The following CD226 variants were observed in gnomAD, a reference collection of about 807,000 sequenced individuals.
CD226 encodes CD226 antigen.
Under a neutral mutation model 34.9 loss-of-function variants are expected in CD226, and 24 were observed. The observed-to-expected ratio is 0.69, with a 90% CI of 0.50 to 0.97. The LOEUF (loss-of-function observed/expected upper bound fraction) is 0.97. Ranked by LOEUF, CD226 falls within the 50% of genes least tolerant of loss-of-function variation. The probability of loss-of-function intolerance (pLI) is 0.00; values close to 1 mark genes in which losing one functional copy is unlikely to be tolerated. For synonymous variants in CD226, 148 were observed against 147.4 expected, an observed-to-expected ratio of 1.00 and a Z score of -0.03; for missense variants, 397 against 412.7, an observed-to-expected ratio of 0.96 and a Z score of 0.33.
At chr18:69,939,499 G>A (rs2055697219) in intron 2 of CD226, among the ~76,000 whole-genome samples, 1 of 152,124 alleles carries the variant, frequency 6.6e-6, no homozygotes, top group South Asian at 2.1e-4. Context: ...GTGCTTTTCG[G>A]TTCTACTGTT....
At position 69,862,528 on chromosome 18, in the gene CD226, T is replaced by C. The variant is rs1982880443; in HGVS notation, c.*1786A>G. On this transcript the variant is annotated 3_prime_UTR_variant, in exon 6 of 6. Transcript: ENST00000582621. ...TAAAAAGATCTTTAAGCAAACATAA[T>C]AAAAATGAGAGTTTACCCTTCTTGC... is the stretch of plus-strand genomic sequence containing the variant. The C allele has an allele frequency of 6.6e-6, 1 of 152,102 alleles. No individual in the cohort carries two copies. Among genetic ancestry groups the C allele is most frequent in the Non-Finnish European group, 1.5e-5 (1 of 67,966 alleles). The allele number at this position is 152,102 out of a possible 1,614,324, so 9.4% of individuals were successfully genotyped here.
intron 4 of CD226, among the ~76,000 whole-genome samples, chr18:69,869,795 TTTTC>T (rs1983388687): frequency 6.8e-6 from 1 of 148,138 alleles, no homozygotes; most frequent in African/African-American, 2.5e-5. Flanking sequence ...ATTTTCTTTT[TTTTC>T]TTTTTTTTTT....
At position 69,859,658 on chromosome 18, in the gene CD226, T is replaced by G. The variant is rs1490648735; in HGVS notation, c.*4656A>C. On this transcript the variant is annotated 3_prime_UTR_variant, in exon 6 of 6. Transcript: ENST00000582621. ...ATGAGTTAGAAGTAGTAAAATTTGT[T>G]GTCTCAAGGTAACAAAAATGAGGAA... 3.9e-5 allele frequency: 6 copies of G among 152,096 alleles called. No homozygotes were observed. The highest frequency in any genetic ancestry group is 7.4e-5 in the Non-Finnish European group (5 of 68,014). 9.4% of individuals were successfully genotyped at this position (152,096 alleles called of 1,614,324 possible).
upstream of CD226, among the ~76,000 whole-genome samples, chr18:69,960,665 G>A (rs909775836): frequency 6.6e-6 from 1 of 152,136 alleles, no homozygotes; most frequent in Admixed American, 6.5e-5. Flanking sequence ...GGCCAGGCTC[G>A]TCTTGAATTC....
intron 3 of CD226, among the ~76,000 whole-genome samples, chr18:69,876,138 T>C (rs1053178447): frequency 3.3e-5 from 5 of 152,244 alleles, no homozygotes; most frequent in African/African-American, 1.2e-4. Context: ...TGGGCTTTTT[T>C]ATATTTTCCA....
chr18:69,960,772 T>A (rs1046110235), upstream of CD226, among the ~76,000 whole-genome samples: 5 of 152,178 alleles, frequency 3.3e-5, no homozygotes, highest in Admixed American at 3.3e-4. Flanking sequence ...ATTTTAAATA[T>A]CCTTTCCTGG....
At chr18:69,958,559 T>G (rs978684877), upstream of CD226, among the ~76,000 whole-genome samples, 1 of 152,166 alleles carries the variant, frequency 6.6e-6, no homozygotes, top group Admixed American at 6.5e-5. Flanking sequence ...GGCCCTGAAG[T>G]GAACCTCACA....
chr18:69,887,592 G>C (rs879533129), intron 3 of CD226, among the ~76,000 whole-genome samples: 1 of 151,654 alleles, frequency 6.6e-6, no homozygotes, highest in Non-Finnish European at 1.5e-5. Flanking sequence ...TTTTTTTATT[G>C]TTTCACTCAC....
At position 69,863,446 on chromosome 18, in the gene CD226, T is replaced by G. The variant is rs946465076; in HGVS notation, c.*868A>C. ...CAAGAATTCTATACAGAATGAGAGA[T>G]AAATAAATATGAGAATAGTAAAGGA... On this transcript the variant is annotated 3_prime_UTR_variant, in exon 6 of 6. Transcript: ENST00000582621. 2 of 152,214 alleles carry G rather than the reference T, an allele frequency of 1.3e-5. No homozygotes were observed. The highest frequency in any genetic ancestry group is 2.9e-5 in the Non-Finnish European group (2 of 68,028). The allele number at this position is 152,214 out of a possible 1,614,324, so 9.4% of individuals were successfully genotyped here. A position where few individuals can be genotyped will look rare whatever the true frequency, so the allele number is the denominator to read the frequency against.
rs1056411688 is a variant in CD226 at position 69,858,369 on chromosome 18, A to C, written c.*5945T>G. ...TCAACGAGCCTGGAGGGAATGTCGC[A>C]GTGTGTTCTGTTTGGAAAGTAAGTT... is the stretch of plus-strand genomic sequence containing the variant. On this transcript the variant is annotated 3_prime_UTR_variant, in exon 6 of 6. Coordinates refer to ENST00000582621, the MANE Select transcript of CD226 (RefSeq NM_001303618.2). 1.2e-4 allele frequency: 19 copies of C among 152,316 alleles called. 1 individual carries two copies. Among genetic ancestry groups the C allele is most frequent in the African/African-American group, 4.6e-4 (19 of 41,576 alleles). 9.4% of individuals were successfully genotyped at this position (152,316 alleles called of 1,614,324 possible). A position where few individuals can be genotyped will look rare whatever the true frequency, so the allele number is the denominator to read the frequency against.
Position 69,928,030 on chromosome 18 carries a change from T to A in CD226, c.382+18704A>T, listed in dbSNP as rs1599016929. On this transcript the variant is annotated intron_variant, in intron 2 of 5. Coordinates refer to ENST00000582621, the MANE Select transcript of CD226 (RefSeq NM_001303618.2). ...TGGGTGAAATACTGAAGAATCTCATTAAGCTATGAAATATGCAGAAAAGCG... is the reference window on the plus strand; with the variant it reads ...TGGGTGAAATACTGAAGAATCTCATAAAGCTATGAAATATGCAGAAAAGCG... 1.3e-5 allele frequency among the ~76,000 whole-genome samples: 2 copies of A among 152,190 alleles called. 1 individual carries two copies. Among genetic ancestry groups the A allele is most frequent in the South Asian group, 4.1e-4 (2 of 4,834 alleles).
chr18:69,875,738 G>A (rs972668426), intron 3 of CD226, among the ~76,000 whole-genome samples: 2 of 152,178 alleles, frequency 1.3e-5, no homozygotes, highest in African/African-American at 4.8e-5. Flanking sequence ...TTGCTCTTTT[G>A]CTGTGAAATC....
intron 3 of CD226, among the ~76,000 whole-genome samples, chr18:69,887,031 T>A (rs1984596894): frequency 6.6e-6 from 1 of 152,224 alleles, no homozygotes; most frequent in Non-Finnish European, 1.5e-5. Flanking sequence ...ATCTCATCTC[T>A]CTTTTTTAAA....
chr18:69,871,015 A>C (rs558620477), intron 4 of CD226, among the ~76,000 whole-genome samples: 2 of 152,322 alleles, frequency 1.3e-5, no homozygotes, highest in South Asian at 4.1e-4. Context: ...ACATTTAACC[A>C]AGTGGGACAA....
At chr18:69,868,869 G>A (rs545336088) in intron 4 of CD226, among the ~76,000 whole-genome samples, 3 of 152,178 alleles carry the variant, frequency 2.0e-5, no homozygotes, top group Non-Finnish European at 4.4e-5. Context: ...CATACAATGT[G>A]ATGAAACAAA....
At chr18:69,950,109 CATGCTCACAT>C (rs2055837562), upstream of CD226, among the ~76,000 whole-genome samples, 1 of 152,070 alleles carries the variant, frequency 6.6e-6, no homozygotes, top group African/African-American at 2.4e-5. Flanking sequence ...TGTTCTCACA[CATGCTCACAT>C]ATGCACACAC....
At chr18:69,927,084 G>A (rs1248454720) in intron 2 of CD226, among the ~76,000 whole-genome samples, 1 of 152,088 alleles carries the variant, frequency 6.6e-6, no homozygotes, top group African/African-American at 2.4e-5. Context: ...TGGTGCTTTT[G>A]GGGACATCAT....
chr18:69,881,577 A>C (rs1415284493), intron 3 of CD226, among the ~76,000 whole-genome samples: 2 of 152,218 alleles, frequency 1.3e-5, no homozygotes, highest in African/African-American at 4.8e-5. Context: ...TAAGCGCCAA[A>C]CGATTTAGGT....
chr18:69,900,479 TC>T (rs1479715089), intron 2 of CD226, among the ~76,000 whole-genome samples: 1 of 152,080 alleles, frequency 6.6e-6, no homozygotes, highest in Non-Finnish European at 1.5e-5. Flanking sequence ...ACGCCTGTAA[TC>T]CCAGCACTTT....
Sources: gnomAD v4.1 joint callset for allele counts (sites outside exome capture counted in the v4.1 genomes callset) on GRCh38, gnomAD v4.1.1 for gene constraint, MANE v1.5 for transcripts, NCBI Gene and HGNC (gene_info 2026-07-23, HGNC 2026-07-21) for gene names.